The following KCNK9 variants were observed in gnomAD, a reference collection of about 807,000 sequenced individuals.
KCNK9 encodes the protein potassium two pore domain channel subfamily K member 9.
Under a neutral mutation model 10.8 loss-of-function variants are expected in KCNK9, and 1 was observed. That is an observed-to-expected ratio of 0.09 (90% CI 0.03 to 0.44). The LOEUF is 0.44. Among genes scored for constraint, KCNK9 ranks in the 20% least tolerant of loss-of-function variants. The pLI, the probability that KCNK9 is intolerant of heterozygous loss-of-function variation, is 0.97. For synonymous variants in KCNK9, 231 were observed against 222.7 expected, an observed-to-expected ratio of 1.04 and a Z score of -0.33; for missense variants, 303 against 515.0, an observed-to-expected ratio of 0.59 and a Z score of 3.98.
chr8:139,634,868 T>G (rs749181548), intron 1 of KCNK9, among the ~76,000 whole-genome samples: 1 of 152,092 alleles, frequency 6.6e-6, no homozygotes, highest in Non-Finnish European at 1.5e-5. Context: ...ACAAGGCCCC[T>G]CCTTGGGTGT....
chr8:139,648,391 TACACTTTAA>T (rs1815754380), intron 1 of KCNK9, among the ~76,000 whole-genome samples: 1 of 152,254 alleles, frequency 6.6e-6, no homozygotes, highest in Non-Finnish European at 1.5e-5. Context: ...CACCAAATTG[TACACTTTAA>T]AATAGTTAAT....
chr8:139,675,426 C>A (rs1816527156), intron 1 of KCNK9, among the ~76,000 whole-genome samples: 1 of 152,142 alleles, frequency 6.6e-6, no homozygotes, highest in Non-Finnish European at 1.5e-5. Flanking sequence ...GCAATTAGGT[C>A]CTGGGGGTAG....
chr8:139,636,079 C>T (rs1167107106), intron 1 of KCNK9, among the ~76,000 whole-genome samples: 1 of 152,212 alleles, frequency 6.6e-6, no homozygotes, highest in Non-Finnish European at 1.5e-5. Flanking sequence ...ATTCCATGTA[C>T]AAAGACCAGA....
intron 1 of KCNK9, among the ~76,000 whole-genome samples, chr8:139,677,788 G>A (rs1280968144): frequency 1.4e-5 from 2 of 146,106 alleles, no homozygotes; most frequent in Non-Finnish European, 3.0e-5. Flanking sequence ...CCCCATGGCT[G>A]CAGAGTAATA....
At chr8:139,672,654 C>A (rs77855527) in intron 1 of KCNK9, among the ~76,000 whole-genome samples, 7 of 152,242 alleles carry the variant, frequency 4.6e-5, no homozygotes, top group Non-Finnish European at 7.3e-5. Flanking sequence ...GGTCGGCCCA[C>A]CCTGTCCAGA....
intron 1 of KCNK9, among the ~76,000 whole-genome samples, chr8:139,667,712 C>T (rs902690297): frequency 4.0e-5 from 6 of 151,730 alleles, no homozygotes; most frequent in African/African-American, 1.2e-4. Flanking sequence ...AAAAATGGTC[C>T]TCACAACATT....
In KCNK9 at chr8:139,629,269, G is replaced by A. The variant is rs113440932; in HGVS notation, c.284-10170C>T. ...CTGGGGCCGAGATGCATGCGGGGGC[G>A]CCCCTGGGGAGGGCAGAAAGGCCTA... On this transcript the variant is annotated intron_variant, in intron 1 of 1. Coordinates refer to ENST00000520439, the MANE Select transcript of KCNK9 (RefSeq NM_001282534.2). 2.0e-3 allele frequency among the ~76,000 whole-genome samples: 305 copies of A among 152,302 alleles called. 2 individuals are homozygous for A. The highest frequency in any genetic ancestry group is 7.0e-3 in the African/African-American group (291 of 41,568).
In KCNK9 at chr8:139,618,336, C is replaced by A. The variant is rs764816119; in HGVS notation, c.1047G>T (p.Ser349=). Reference sequence around the variant, plus strand: ...ACCCAGGAGAGATGGAGCTAATAGGCGATGGGAAGAGGCTGTTTTTTAATG... The same window carrying A: ...ACCCAGGAGAGATGGAGCTAATAGGAGATGGGAAGAGGCTGTTTTTTAATG... ...PSTLKNSLFP[S]PISSISPGLH... The change falls in exon 2 of 2, where the codon TCG becomes TCT. Residue 349 remains serine, a synonymous_variant. Coordinates refer to ENST00000520439, the MANE Select transcript of KCNK9 (RefSeq NM_001282534.2). This position sits in a 1 kb window ranked among gnomAD's most constrained non-coding sequence, Gnocchi z 7.9. The A allele has an allele frequency of 1.2e-6, 2 of 1,613,980 alleles. No homozygotes were observed. The highest frequency in any genetic ancestry group is 1.7e-6 in the Non-Finnish European group (2 of 1,180,024).
intron 2 of KCNK9, chr8:139,601,674 A>G (rs1817373129): frequency 6.6e-6 from 1 of 152,222 alleles, no homozygotes. Context: ...TATGGATGAA[A>G]TATTGCTTAA....
At chr8:139,630,648 AG>A (rs143770194) in intron 1 of KCNK9, among the ~76,000 whole-genome samples, 1,982 of 152,296 alleles carry the variant, frequency 0.013, 37 homozygotes, top group African/African-American at 0.046. Flanking sequence ...TGAACCTCTC[AG>A]GTCCGGGGAC....
chr8:139,615,691 C>T (rs755548363), downstream of KCNK9: 1 of 152,128 alleles, frequency 6.6e-6, no homozygotes, highest in Non-Finnish European at 1.5e-5. Flanking sequence ...AGATAAATTA[C>T]AAGTTGCCTC....
At position 139,703,049 on chromosome 8, in the gene KCNK9, C is replaced by T. The variant is rs1302715032; in HGVS notation, c.-57G>A. 2 of 1,508,728 alleles carry T rather than the reference C, an allele frequency of 1.3e-6. No homozygotes were observed. The highest frequency in any genetic ancestry group is 2.8e-5 in the African/African-American group (2 of 70,996). The allele number at this position is 1,508,728 out of a possible 1,614,324, so 93.5% of individuals were successfully genotyped here. On this transcript the variant is annotated 5_prime_UTR_variant, in exon 1 of 2. Transcript: ENST00000520439. This position sits in a 1 kb window ranked among gnomAD's most constrained non-coding sequence, Gnocchi z 6.4. ...TGTCCCGCAGGCTCACAGCCGCGCG[C>T]GTCCCACTGCAGCGCCCGGCGGCCG...
At chr8:139,626,413 C>T (rs1435322082) in intron 1 of KCNK9, among the ~76,000 whole-genome samples, 1 of 152,188 alleles carries the variant, frequency 6.6e-6, no homozygotes. Flanking sequence ...TTACCTGAGC[C>T]CTTGACCAGA....
At chr8:139,697,004 G>C (rs1484147788) in intron 1 of KCNK9, among the ~76,000 whole-genome samples, 1 of 151,344 alleles carries the variant, frequency 6.6e-6, no homozygotes. Context: ...TGGGTGGATG[G>C]GTGGACGGAT....
chr8:139,700,137 G>T (rs989380282), intron 1 of KCNK9, among the ~76,000 whole-genome samples: 4 of 152,138 alleles, frequency 2.6e-5, no homozygotes, highest in African/African-American at 9.7e-5. Flanking sequence ...CTGTAAATTT[G>T]AACTCTTGTG....
chr8:139,702,592 C>A lies in KCNK9; in HGVS notation c.283+118G>T. 1 of 1,090,348 alleles carries A rather than the reference C, an allele frequency of 9.2e-7. No homozygotes were observed. Among genetic ancestry groups the A allele is most frequent in the South Asian group, 1.6e-5 (1 of 62,148 alleles). 67.5% of individuals were successfully genotyped at this position (1,090,348 alleles called of 1,614,324 possible). On this transcript the variant is annotated intron_variant, in intron 1 of 1. Coordinates refer to ENST00000520439, the MANE Select transcript of KCNK9 (RefSeq NM_001282534.2). This position sits in a 1 kb window ranked among gnomAD's most constrained non-coding sequence, Gnocchi z 7.5. ...GAGGAGGGGGCGCTGCGGGAAGGCC[C>A]CCAAGGGAGGCTGCGTTTAACCCTC...
chr8:139,690,822 G>A (rs1462264407), intron 1 of KCNK9, among the ~76,000 whole-genome samples: 1 of 152,136 alleles, frequency 6.6e-6, no homozygotes, highest in Non-Finnish European at 1.5e-5. Context: ...AGCATAACCA[G>A]GTAACCATTG....
chr8:139,629,956 A>C (rs921954779), intron 1 of KCNK9, among the ~76,000 whole-genome samples: 1 of 152,076 alleles, frequency 6.6e-6, no homozygotes, highest in Non-Finnish European at 1.5e-5. Context: ...CCTGAGTGAC[A>C]GAAGCCAGTC....
At chr8:139,606,243 T>C (rs1450973307) in intron 2 of KCNK9, among the ~76,000 whole-genome samples, 1 of 152,172 alleles carries the variant, frequency 6.6e-6, no homozygotes, top group Admixed American at 6.5e-5. Flanking sequence ...CCATTTCTGC[T>C]ACAACTTTCC....
Sources: allele counts gnomAD v4.1 joint callset (sites outside exome capture counted in the v4.1 genomes callset), GRCh38; gene constraint gnomAD v4.1.1; non-coding constraint Gnocchi (gnomAD v3.1); transcripts MANE v1.5; gene names NCBI Gene and HGNC (gene_info 2026-07-23, HGNC 2026-07-21).